NEK11: variants seen among roughly 807,000 people sequenced by gnomAD.
NEK11 encodes serine/threonine-protein kinase Nek11.
Under a neutral mutation model 80.7 loss-of-function variants are expected in NEK11, and 72 were observed. That is an observed-to-expected ratio of 0.89 (90% CI 0.74 to 1.08). The LOEUF (loss-of-function observed/expected upper bound fraction) is 1.08. NEK11 is among the 50% of genes least tolerant of loss of function. NEK11 has a pLI of 0.00. For synonymous variants in NEK11, 251 were observed against 260.7 expected (o/e 0.96, Z 0.36); for missense variants, 764 against 763.6 (o/e 1.00, Z -0.01).
intron 3 of NEK11, among the ~76,000 whole-genome samples, chr3:131,064,120 A>G (rs754795730): frequency 3.9e-5 from 6 of 152,230 alleles, no homozygotes; most frequent in Admixed American, 1.3e-4. Flanking sequence ...TGAAATATCA[A>G]GCAGGCAAAC....
chr3:131,120,926 T>A (rs940453968), intron 5 of NEK11, among the ~76,000 whole-genome samples: 1 of 152,214 alleles, frequency 6.6e-6, no homozygotes, highest in Non-Finnish European at 1.5e-5. Flanking sequence ...GGTTTGAACA[T>A]CCTCCTTTAG....
At chr3:131,296,038 A>C (rs1310458851) in intron 17 of NEK11, among the ~76,000 whole-genome samples, 6 of 151,982 alleles carry the variant, frequency 3.9e-5, no homozygotes, top group African/African-American at 1.5e-4. Flanking sequence ...ATAGGGTTTC[A>C]CCATGATGTC....
At chr3:131,244,170 TC>T (rs1003063444) in intron 16 of NEK11, among the ~76,000 whole-genome samples, 1 of 152,096 alleles carries the variant, frequency 6.6e-6, no homozygotes, top group Non-Finnish European at 1.5e-5. Context: ...AGCAATCTCT[TC>T]AAAGGGAATG....
chr3:131,310,159 G>T (rs999207803), intron 17 of NEK11, among the ~76,000 whole-genome samples: 30 of 152,184 alleles, frequency 2.0e-4, no homozygotes, highest in East Asian at 5.8e-4. Context: ...ATAGCTGTTG[G>T]GTGAGTGAAT....
intron 4 of NEK11, among the ~76,000 whole-genome samples, chr3:131,107,360 T>C (rs1346175109): frequency 2.3e-5 from 3 of 130,300 alleles, no homozygotes; most frequent in Non-Finnish European, 3.6e-5. Context: ...TAAAGTATAA[T>C]AATAATAAAA....
intron 5 of NEK11, among the ~76,000 whole-genome samples, chr3:131,131,854 C>G (rs1223968338): frequency 6.6e-6 from 1 of 151,972 alleles, no homozygotes; most frequent in East Asian, 1.9e-4. Context: ...AAATTTCCCT[C>G]TAAGCACTGC....
At chr3:131,211,357 C>T (rs564284421) in intron 14 of NEK11, among the ~76,000 whole-genome samples, 1 of 152,292 alleles carries the variant, frequency 6.6e-6, no homozygotes, top group Admixed American at 6.5e-5. Context: ...TGATGGGCTT[C>T]CCTTTGTGGG....
chr3:131,156,497 C>A (rs533114191), intron 10 of NEK11, among the ~76,000 whole-genome samples: 7 of 152,298 alleles, frequency 4.6e-5, no homozygotes, highest in East Asian at 1.9e-4. Flanking sequence ...GTGTGCCAGT[C>A]ATCCCTGTCT....
chr3:131,280,151 G>A (rs1210809911), intron 17 of NEK11, among the ~76,000 whole-genome samples: 4 of 152,190 alleles, frequency 2.6e-5, no homozygotes, highest in African/African-American at 9.7e-5. Context: ...GGAAGTCAGG[G>A]ACCTGAAAAA....
At chr3:131,296,761 T>C (rs2096597667) in intron 17 of NEK11, among the ~76,000 whole-genome samples, 1 of 152,150 alleles carries the variant, frequency 6.6e-6, no homozygotes, top group African/African-American at 2.4e-5. Context: ...GCTGCACCCA[T>C]TAACTCGTCA....
At chr3:131,280,707 C>T (rs565807884) in intron 17 of NEK11, among the ~76,000 whole-genome samples, 1 of 152,288 alleles carries the variant, frequency 6.6e-6, no homozygotes, top group East Asian at 1.9e-4. Context: ...ATGTCTTTGA[C>T]ATTGTGAGTT....
At chr3:131,313,131 C>G (rs1401684346) in intron 17 of NEK11, among the ~76,000 whole-genome samples, 1 of 152,140 alleles carries the variant, frequency 6.6e-6, no homozygotes, top group Non-Finnish European at 1.5e-5. Flanking sequence ...CCAGCTCCAT[C>G]TATATTGCTG....
intron 16 of NEK11, among the ~76,000 whole-genome samples, chr3:131,260,098 G>A (rs555583250): frequency 1.6e-4 from 25 of 152,198 alleles, no homozygotes; most frequent in African/African-American, 5.8e-4. Flanking sequence ...ATAAGTCATG[G>A]GGCTGTCATC....
intron 5 of NEK11, among the ~76,000 whole-genome samples, chr3:131,111,661 G>A (rs1369006280): frequency 6.6e-6 from 1 of 152,042 alleles, no homozygotes; most frequent in Non-Finnish European, 1.5e-5. Flanking sequence ...CTCTGAACCT[G>A]TTTCCTCATC....
chr3:131,297,396 A>G (rs1391409771), intron 17 of NEK11, among the ~76,000 whole-genome samples: 3 of 151,762 alleles, frequency 2.0e-5, no homozygotes, highest in African/African-American at 7.3e-5. Flanking sequence ...TTTGATTTGC[A>G]TTTCTCTGAT....
intron 17 of NEK11, among the ~76,000 whole-genome samples, chr3:131,333,045 A>T (rs1000551890): frequency 2.2e-4 from 33 of 152,348 alleles, no homozygotes; most frequent in African/African-American, 7.9e-4. Context: ...AACACTCTGC[A>T]GGATATTATC....
chr3:131,034,338 T>C (rs191092097), intron 3 of NEK11, among the ~76,000 whole-genome samples: 3 of 152,360 alleles, frequency 2.0e-5, no homozygotes, highest in East Asian at 1.9e-4. Flanking sequence ...GATCTTACTA[T>C]GCAGAGTTGA....
At chr3:131,056,088 G>A (rs72987889) in intron 3 of NEK11, among the ~76,000 whole-genome samples, 23,349 of 152,090 alleles carry the variant, frequency 0.15, 1,855 homozygotes, top group Non-Finnish European at 0.17. Flanking sequence ...GTGGGGAGAA[G>A]GGGTACTTGG....
intron 17 of NEK11, among the ~76,000 whole-genome samples, chr3:131,334,965 T>G (rs1360114643): frequency 6.6e-6 from 1 of 152,180 alleles, no homozygotes; most frequent in Non-Finnish European, 1.5e-5. Context: ...TCTGAAATTG[T>G]GGCAATAATC....
Sources: gnomAD v4.1 joint callset for allele counts (sites outside exome capture counted in the v4.1 genomes callset) on GRCh38, gnomAD v4.1.1 for gene constraint, MANE v1.5 for transcripts, NCBI Gene and HGNC (gene_info 2026-07-23, HGNC 2026-07-21) for gene names.